Variants in RNF169 observed in about 807,000 individuals in gnomAD.
RNF169 encodes E3 ubiquitin-protein ligase RNF169.
In RNF169, 24 loss-of-function variants were observed where a neutral mutation model predicts 53.9. That is an observed-to-expected ratio of 0.45 (90% CI 0.32 to 0.63). The LOEUF (loss-of-function observed/expected upper bound fraction) is 0.63. Ranked by LOEUF, RNF169 falls within the 20% of genes least tolerant of loss-of-function variation. The pLI is 0.04. For missense variants in RNF169, 883 were observed against 906.2 expected, an observed-to-expected ratio of 0.97 and a Z score of 0.33; for synonymous variants, 396 against 363.5, an observed-to-expected ratio of 1.09 and a Z score of -1.02.
intron 1 of RNF169, among the ~76,000 whole-genome samples, chr11:74,752,747 A>T (rs770386445): frequency 6.6e-6 from 1 of 152,082 alleles, no homozygotes; most frequent in Non-Finnish European, 1.5e-5. Context: ...TTGGTTTAAG[A>T]ATACATCATC....
intron 1 of RNF169, among the ~76,000 whole-genome samples, chr11:74,787,596 G>T (rs1458258348): frequency 6.6e-6 from 1 of 152,160 alleles, no homozygotes; most frequent in African/African-American, 2.4e-5. Flanking sequence ...GATTATGCCT[G>T]TGAATAGCCA....
At chr11:74,834,621 C>A in intron 4 of RNF169, 55 bp from the exon 5 acceptor site, 1 of 1,283,198 alleles carries the variant, frequency 7.8e-7, no homozygotes, top group Non-Finnish European at 1.1e-6. Context: ...ATCCTTTTTC[C>A]TTACCTATAT....
At chr11:74,770,699 A>G (rs1166466704) in intron 1 of RNF169, among the ~76,000 whole-genome samples, 3 of 152,122 alleles carry the variant, frequency 2.0e-5, no homozygotes, top group African/African-American at 4.8e-5. Context: ...ACAGAATTCT[A>G]TAATAAATGA....
intron 4 of RNF169, chr11:74,832,161 GATCA>G (rs1169220974): frequency 6.6e-6 from 1 of 152,164 alleles, no homozygotes; most frequent in Non-Finnish European, 1.5e-5. Context: ...GTTGTCTTTT[GATCA>G]ATCTGTCTCT....
At chr11:74,802,485 A>G (rs1361801710) in intron 2 of RNF169, among the ~76,000 whole-genome samples, 1 of 152,194 alleles carries the variant, frequency 6.6e-6, no homozygotes, top group Non-Finnish European at 1.5e-5. Flanking sequence ...GTCTTTAAAA[A>G]TACAAAAATT....
At chr11:74,761,495 AG>A (rs2035081344) in intron 1 of RNF169, among the ~76,000 whole-genome samples, 1 of 149,412 alleles carries the variant, frequency 6.7e-6, no homozygotes, top group African/African-American at 2.5e-5. Context: ...GAGCTCTTTT[AG>A]GGCAGGCCTG....
chr11:74,775,525 GT>G (rs529289036), intron 1 of RNF169, among the ~76,000 whole-genome samples: 1 of 146,372 alleles, frequency 6.8e-6, no homozygotes, highest in African/African-American at 2.5e-5. Flanking sequence ...TCTCTGTTCT[GT>G]TTTTTTTTTC....
rs1051111525 is a variant in RNF169, at chr11:74,774,526, C to T, written c.503-15100C>T. Among the ~76,000 whole-genome samples the T allele has an allele frequency of 6.6e-5, 10 of 152,122 alleles. No individual in the cohort carries two copies. The East Asian group carries it at 1.3e-3, about 20-fold the overall frequency. On this transcript the variant is annotated intron_variant, in intron 1 of 5. Coordinates refer to ENST00000299563, the MANE Select transcript of RNF169 (RefSeq NM_001098638.2). Reference sequence around the variant, plus strand: ...TCAGATTCAACTTACCCATTGAACTCTTTTGTGCTTATATTGTATACCTAC... The same window carrying T: ...TCAGATTCAACTTACCCATTGAACTTTTTTGTGCTTATATTGTATACCTAC...
chr11:74,814,651 A>G (rs897909671), intron 3 of RNF169, among the ~76,000 whole-genome samples: 4 of 152,006 alleles, frequency 2.6e-5, no homozygotes, highest in African/African-American at 9.7e-5. Context: ...TCAGCCTCAC[A>G]AAGTGCTGGG....
chr11:74,832,758 T>C (rs1009055155), intron 4 of RNF169, among the ~76,000 whole-genome samples: 4 of 152,202 alleles, frequency 2.6e-5, no homozygotes, highest in Non-Finnish European at 5.9e-5. Flanking sequence ...GCTGTCTCTC[T>C]CAACAATGCT....
At chr11:74,752,157 A>G (rs2034905363) in intron 1 of RNF169, among the ~76,000 whole-genome samples, 1 of 143,740 alleles carries the variant, frequency 7.0e-6, no homozygotes, top group African/African-American at 2.6e-5. Context: ...TCTTGAACCC[A>G]GGAGGCGGAG....
chr11:74,822,334 C>G (rs759460640), intron 4 of RNF169, among the ~76,000 whole-genome samples: 31 of 152,204 alleles, frequency 2.0e-4, no homozygotes, highest in Non-Finnish European at 4.0e-4. Context: ...CATGTTTATA[C>G]TGGCTAACCC....
At chr11:74,812,032 A>G (rs1195463143) in intron 3 of RNF169, among the ~76,000 whole-genome samples, 1 of 152,010 alleles carries the variant, frequency 6.6e-6, no homozygotes, top group African/African-American at 2.4e-5. Flanking sequence ...TTTGATAGAA[A>G]TAACCTGTTG....
At chr11:74,750,809 G>C (rs1314672506) in intron 1 of RNF169, among the ~76,000 whole-genome samples, 1 of 148,218 alleles carries the variant, frequency 6.7e-6, no homozygotes, top group Non-Finnish European at 1.5e-5. Flanking sequence ...TCACTGTGTT[G>C]GCCAGGCTGG....
intron 1 of RNF169, among the ~76,000 whole-genome samples, chr11:74,756,030 G>A (rs1262533301): frequency 6.6e-6 from 1 of 152,124 alleles, no homozygotes; most frequent in Non-Finnish European, 1.5e-5. Context: ...GTGGGGAGTC[G>A]TTAGGGGACT....
chr11:74,750,745 A>G (rs1160350138), intron 1 of RNF169, among the ~76,000 whole-genome samples: 3 of 150,200 alleles, frequency 2.0e-5, no homozygotes, highest in African/African-American at 4.9e-5. Flanking sequence ...AGCTGGGATT[A>G]CAGGCGCCCA....
At chr11:74,834,579 G>A in intron 4 of RNF169, 97 bp from the exon 5 acceptor site, 1 of 672,970 alleles carries the variant, frequency 1.5e-6, no homozygotes, top group Non-Finnish European at 2.4e-6. Context: ...TTCTTTCCTG[G>A]TGAGTGGCTT....
At chr11:74,799,003 G>A (rs1011737459) in intron 2 of RNF169, among the ~76,000 whole-genome samples, 1 of 149,930 alleles carries the variant, frequency 6.7e-6, no homozygotes, top group Non-Finnish European at 1.5e-5. Context: ...GCAGTGAGTC[G>A]TGATTGCATC....
intron 2 of RNF169, among the ~76,000 whole-genome samples, chr11:74,805,028 C>G (rs892456972): frequency 6.6e-6 from 1 of 152,174 alleles, no homozygotes; most frequent in Non-Finnish European, 1.5e-5. Context: ...TGCAGCAATT[C>G]CACTTGTAGC....
Sources: allele counts gnomAD v4.1 joint callset (sites outside exome capture counted in the v4.1 genomes callset), GRCh38; gene constraint gnomAD v4.1.1; transcripts MANE v1.5; gene names NCBI Gene and HGNC (gene_info 2026-07-23, HGNC 2026-07-21).